Variants in DAZAP1 observed in about 807,000 individuals in gnomAD.
DAZAP1 encodes DAZ-associated protein 1.
In DAZAP1, 6 loss-of-function variants were observed where a neutral mutation model predicts 60.1. That is an observed-to-expected ratio of 0.10 (90% CI 0.05 to 0.20). DAZAP1 has a LOEUF of 0.20. Ranked by LOEUF, DAZAP1 falls within the 10% of genes least tolerant of loss-of-function variation. The probability of loss-of-function intolerance (pLI) is 1.00; values close to 1 mark genes in which losing one functional copy is unlikely to be tolerated. For synonymous variants in DAZAP1, 235 were observed against 215.9 expected, an observed-to-expected ratio of 1.09 and a Z score of -0.78; for missense variants, 366 against 560.4, an observed-to-expected ratio of 0.65 and a Z score of 3.50.
rs1310410903 is a variant in DAZAP1, at chr19:1,407,732, C to T, written c.-42C>T. On this transcript the variant is annotated 5_prime_UTR_variant, in exon 1 of 12. Coordinates refer to ENST00000233078, the MANE Select transcript of DAZAP1 (RefSeq NM_018959.4). ...GTGACCTTCCGGAGGCGGGAGCGAG[C>T]GAGGAGGCCCGGGAGCGCCGAGCGT... The T allele has an allele frequency of 3.7e-6, 4 of 1,074,328 alleles. No individual in the cohort carries two copies. The African/African-American group carries it at 5.2e-5, about 14-fold the overall frequency. 66.5% of individuals were successfully genotyped at this position (1,074,328 alleles called of 1,614,324 possible).
chr19:1,415,505 T>TG lies in DAZAP1; in HGVS notation c.30-1990dup, dbSNP rs951686790. ...GCTTGGGGGCCCTTCCTTCATGGGG[T>TG]GGGGGCTGCTGCTGGCTCCTGCTGG... On this transcript the variant is annotated intron_variant, in intron 1 of 11. Coordinates refer to ENST00000233078, the MANE Select transcript of DAZAP1 (RefSeq NM_018959.4). Among the ~76,000 whole-genome samples, 9 of 147,070 alleles carry TG rather than the reference T, an allele frequency of 6.1e-5. No individual in the cohort carries two copies. The South Asian group carries it at 1.5e-3, about 25-fold the overall frequency.
In DAZAP1 at chr19:1,407,674, C is replaced by A; in HGVS notation, c.-100C>A. On this transcript the variant is annotated 5_prime_UTR_variant, in exon 1 of 12. Transcript: ENST00000233078. The stretch of plus-strand genomic sequence containing the variant: ...CGCCGCCGCCGCCGTTGCGCAGATC[C>A]GGGCCGCGGCTGTGGGGAGGGCGAC... 1 of 790,252 alleles carries A rather than the reference C, an allele frequency of 1.3e-6. No homozygotes were observed. The highest frequency in any genetic ancestry group is 1.5e-6 in the Non-Finnish European group (1 of 656,260). The allele number at this position is 790,252 out of a possible 1,614,324, so 49.0% of individuals were successfully genotyped here.
At position 1,422,477 on chromosome 19, in the gene DAZAP1, A is replaced by G. The variant is rs1239300278; in HGVS notation, c.463+81A>G. 9 of 1,386,388 alleles carry G rather than the reference A, an allele frequency of 6.5e-6. No individual in the cohort carries two copies. Among genetic ancestry groups the G allele is most frequent in the Non-Finnish European group, 9.2e-6 (9 of 980,614 alleles). 85.9% of individuals were successfully genotyped at this position (1,386,388 alleles called of 1,614,324 possible). On this transcript the variant is annotated intron_variant, in intron 6 of 11. Transcript: ENST00000233078. The surrounding 1 kb of genome is among the most constrained non-coding windows in gnomAD (Gnocchi z 4.5). ...AAACTATCTCACCCGCCAGGCACAC[A>G]CAGGTGGCGGCTGTAGCAAACAGCC...
In DAZAP1 at chr19:1,423,023, G is replaced by A. The variant is rs1054248547; in HGVS notation, c.463+627G>A. Among the ~76,000 whole-genome samples, 12 of 151,858 alleles carry A rather than the reference G, an allele frequency of 7.9e-5. No individual in the cohort carries two copies. Among genetic ancestry groups the A allele is most frequent in the Admixed American group, 5.9e-4 (9 of 15,160 alleles). On this transcript the variant is annotated intron_variant, in intron 6 of 11. Coordinates refer to ENST00000233078, the MANE Select transcript of DAZAP1 (RefSeq NM_018959.4). The surrounding 1 kb of genome is among the most constrained non-coding windows in gnomAD (Gnocchi z 6.8). ...CGCCCAGTTTCTGTGCCCCTTTTCC[G>A]TGGCTGCTGCTGTCTGTCCCGCCCG...
rs2083191424 is a variant in DAZAP1, at chr19:1,422,644, G to A, written c.463+248G>A. Among the ~76,000 whole-genome samples, 1 of 152,148 alleles carries A rather than the reference G, an allele frequency of 6.6e-6. No homozygotes were observed. Among genetic ancestry groups the A allele is most frequent in the African/African-American group, 2.4e-5 (1 of 41,420 alleles). On this transcript the variant is annotated intron_variant, in intron 6 of 11. Transcript: ENST00000233078. The surrounding 1 kb of genome is among the most constrained non-coding windows in gnomAD (Gnocchi z 4.5). ...TTTTGAAGTTTTTACGACTTGTCAT[G>A]AGTCTCGGCCTGGCTTCTGTTTTTC...
In DAZAP1 at chr19:1,432,025, G is replaced by A. The variant is rs945539450; in HGVS notation, c.872-489G>A. The A allele has an allele frequency of 5.8e-6, 1 of 171,466 alleles. No homozygotes were observed. The highest frequency in any genetic ancestry group is 1.3e-5 in the Non-Finnish European group (1 of 79,376). The allele number at this position is 171,466 out of a possible 1,614,324, so 10.6% of individuals were successfully genotyped here. On this transcript the variant is annotated intron_variant, in intron 10 of 11. Coordinates refer to ENST00000233078, the MANE Select transcript of DAZAP1 (RefSeq NM_018959.4). The surrounding 1 kb of genome is among the most constrained non-coding windows in gnomAD (Gnocchi z 4.9). Reference sequence around the variant, plus strand: ...TGTGGGCCAGATGACTGACAGGAGGGGAGTTGGGTGGAACCTCGGCCTGCC... The same window carrying A: ...TGTGGGCCAGATGACTGACAGGAGGAGAGTTGGGTGGAACCTCGGCCTGCC...
intron 4 of DAZAP1, among the ~76,000 whole-genome samples, chr19:1,419,694 A>C (rs968779636): frequency 2.6e-5 from 4 of 152,166 alleles, no homozygotes; most frequent in African/African-American, 9.7e-5. Flanking sequence ...TATAATGGGC[A>C]CGTAGTAAAC....
At chr19:1,409,486 C>A (rs1371268240) in intron 1 of DAZAP1, among the ~76,000 whole-genome samples, 1 of 152,184 alleles carries the variant, frequency 6.6e-6, no homozygotes, top group East Asian at 1.9e-4. Flanking sequence ...GGCTCGCAGG[C>A]CACCCGGACG....
intron 1 of DAZAP1, among the ~76,000 whole-genome samples, chr19:1,415,091 T>C (rs566963867): frequency 3.9e-5 from 6 of 152,272 alleles, no homozygotes; most frequent in East Asian, 1.9e-4. Context: ...TACCAGGTTA[T>C]CTAACCCCCC....
Position 1,423,719 on chromosome 19 carries a change from G to T in DAZAP1, c.463+1323G>T, listed in dbSNP as rs1192545288. On this transcript the variant is annotated intron_variant, in intron 6 of 11. Coordinates refer to ENST00000233078, the MANE Select transcript of DAZAP1 (RefSeq NM_018959.4). The surrounding 1 kb of genome is among the most constrained non-coding windows in gnomAD (Gnocchi z 6.8). ...TACGTTGTTTCATCACCGATGCTGTGTTCCAATACTGCCTCTGATCTTGGG... is the reference window on the plus strand; with the variant it reads ...TACGTTGTTTCATCACCGATGCTGTTTTCCAATACTGCCTCTGATCTTGGG... Among the ~76,000 whole-genome samples, 1 of 152,228 alleles carries T rather than the reference G, an allele frequency of 6.6e-6. No homozygotes were observed. Among genetic ancestry groups the T allele is most frequent in the Admixed American group, 6.5e-5 (1 of 15,286 alleles).
In DAZAP1 at chr19:1,432,140, G is replaced by A; in HGVS notation, c.872-374G>A. ...TCAGGATGCTCCCTTGCCTGTGCTG[G>A]CAGCTTCCTAAACATGGGGACTGGG... is the stretch of plus-strand genomic sequence containing the variant. On this transcript the variant is annotated intron_variant, in intron 10 of 11. Coordinates refer to ENST00000233078, the MANE Select transcript of DAZAP1 (RefSeq NM_018959.4). The surrounding 1 kb of genome is among the most constrained non-coding windows in gnomAD (Gnocchi z 4.9). 3.7e-6 allele frequency: 1 copy of A among 269,160 alleles called. No individual in the cohort carries two copies. Among genetic ancestry groups the A allele is most frequent in the South Asian group, 4.1e-5 (1 of 24,180 alleles). 16.7% of individuals were successfully genotyped at this position (269,160 alleles called of 1,614,324 possible).
chr19:1,409,129 C>T (rs911862657), intron 1 of DAZAP1, among the ~76,000 whole-genome samples: 1 of 152,220 alleles, frequency 6.6e-6, no homozygotes, highest in Non-Finnish European at 1.5e-5. Flanking sequence ...CACTTAGCCC[C>T]TGCCTAGCCC....
Position 1,432,430 on chromosome 19 carries a change from C to T in DAZAP1, c.872-84C>T. 6.8e-7 allele frequency: 1 copy of T among 1,468,190 alleles called. No homozygotes were observed. Among genetic ancestry groups the T allele is most frequent in the Non-Finnish European group, 9.5e-7 (1 of 1,054,888 alleles). 90.9% of individuals were successfully genotyped at this position (1,468,190 alleles called of 1,614,324 possible). On this transcript the variant is annotated intron_variant, in intron 10 of 11. Coordinates refer to ENST00000233078, the MANE Select transcript of DAZAP1 (RefSeq NM_018959.4). The surrounding 1 kb of genome is among the most constrained non-coding windows in gnomAD (Gnocchi z 4.9). ...GGTGGCAGTCCCGTCTGGGCAGCTC[C>T]TGCTGGGCTGGGTGTGGGTCTCCTG... is the stretch of plus-strand genomic sequence containing the variant.
At position 1,433,872 on chromosome 19, in the gene DAZAP1, C is replaced by T. The variant is rs372339811; in HGVS notation, c.1049-865C>T. The T allele has an allele frequency of 1.2e-5, 18 of 1,559,020 alleles. No homozygotes were observed. The highest frequency in any genetic ancestry group is 5.0e-5 in the Admixed American group (3 of 59,740). On this transcript the variant is annotated intron_variant, in intron 11 of 11. Coordinates refer to ENST00000233078, the MANE Select transcript of DAZAP1 (RefSeq NM_018959.4). The surrounding 1 kb of genome is among the most constrained non-coding windows in gnomAD (Gnocchi z 6.1). Reference sequence around the variant, plus strand: ...CCAGGGTCCTCCCACCCGCCTGCACCGGGAGGTGGACGTGGCTTCCTCTGC... The same window carrying T: ...CCAGGGTCCTCCCACCCGCCTGCACTGGGAGGTGGACGTGGCTTCCTCTGC...
intron 1 of DAZAP1, among the ~76,000 whole-genome samples, chr19:1,415,468 G>A (rs1025953955): frequency 6.7e-6 from 1 of 148,308 alleles, no homozygotes; most frequent in Non-Finnish European, 1.5e-5. Flanking sequence ...TTTTCCGGTC[G>A]GTTCCAGCCA....
In DAZAP1 at chr19:1,435,024, G is replaced by T; in HGVS notation, c.*112G>T. ...GCGACTCAACCTTGGGGGGGGGGGCGGGGGGAGGGCGCGAGGCTTTTGGAG... is the reference window on the plus strand; with the variant it reads ...GCGACTCAACCTTGGGGGGGGGGGCTGGGGGAGGGCGCGAGGCTTTTGGAG... On this transcript the variant is annotated 3_prime_UTR_variant, in exon 12 of 12. Coordinates refer to ENST00000233078, the MANE Select transcript of DAZAP1 (RefSeq NM_018959.4). The T allele has an allele frequency of 5.8e-6, 1 of 171,256 alleles. No homozygotes were observed. 10.6% of individuals were successfully genotyped at this position (171,256 alleles called of 1,614,324 possible).
chr19:1,411,392 G>A (rs1297115855), intron 1 of DAZAP1, among the ~76,000 whole-genome samples: 1 of 152,198 alleles, frequency 6.6e-6, no homozygotes, highest in Non-Finnish European at 1.5e-5. Context: ...GTGTCCTGCT[G>A]GGGGGAGAGC....
At chr19:1,417,264 G>A (rs2083014228) in intron 1 of DAZAP1, 2 of 574,364 alleles carry the variant, frequency 3.5e-6, no homozygotes, top group Non-Finnish European at 6.1e-6. Context: ...GTCAGCGTGC[G>A]GCTCTGTGGC....
At chr19:1,424,213 C>T (rs563611087) in intron 6 of DAZAP1, among the ~76,000 whole-genome samples, 2 of 152,194 alleles carry the variant, frequency 1.3e-5, no homozygotes, top group South Asian at 2.1e-4. Context: ...ACCCTCGGCC[C>T]GCCCGCTCCA....
Sources: gnomAD v4.1 joint callset for allele counts (sites outside exome capture counted in the v4.1 genomes callset) on GRCh38, gnomAD v4.1.1 for gene constraint, Gnocchi (gnomAD v3.1) non-coding constraint, MANE v1.5 for transcripts, NCBI Gene and HGNC (gene_info 2026-07-23, HGNC 2026-07-21) for gene names.